Variants in ALK observed in about 807,000 individuals in gnomAD.
The protein encoded by ALK is ALK tyrosine kinase receptor.
Under a neutral mutation model 163.1 loss-of-function variants are expected in ALK, and 74 were observed. The observed-to-expected ratio is 0.45, with a 90% confidence interval of 0.38 to 0.55. The LOEUF (loss-of-function observed/expected upper bound fraction) is 0.55, where lower values mean the gene tolerates loss of function less well. ALK is among the 20% of genes least tolerant of loss of function. ALK has a pLI of 0.00. For missense variants in ALK, 2,063 were observed against 2,105.3 expected, an observed-to-expected ratio of 0.98 and a Z score of 0.39; for synonymous variants, 960 against 843.2, an observed-to-expected ratio of 1.14 and a Z score of -2.40.
At chr2:29,760,194 C>T (rs1175320218) in intron 1 of ALK, among the ~76,000 whole-genome samples, 1 of 152,068 alleles carries the variant, frequency 6.6e-6, no homozygotes, top group Non-Finnish European at 1.5e-5. Flanking sequence ...TACACACCTA[C>T]ACACCCCTAC....
intron 1 of ALK, among the ~76,000 whole-genome samples, chr2:29,820,357 C>T (rs543490539): frequency 6.6e-6 from 1 of 152,282 alleles, no homozygotes; most frequent in East Asian, 1.9e-4. Flanking sequence ...TGACTGCAGC[C>T]TTGACCAACA....
chr2:29,524,620 A>G (rs1672904563), intron 4 of ALK, among the ~76,000 whole-genome samples: 1 of 152,266 alleles, frequency 6.6e-6, no homozygotes, highest in Non-Finnish European at 1.5e-5. Context: ...CATGCACTGT[A>G]CAGATATTTA....
chr2:29,227,495 G>T lies in ALK; in HGVS notation c.2914+79C>A. ...ATTGTGCCTCTGTATCCTGGATACA[G>T]GTCAGAGACTCTGAGGTTTTAGCTT... On this transcript the variant is annotated intron_variant, in intron 17 of 28. Transcript: ENST00000389048. This position sits in a 1 kb window ranked among gnomAD's most constrained non-coding sequence, Gnocchi z 4.4. The T allele has an allele frequency of 8.1e-7, 1 of 1,238,038 alleles. No homozygotes were observed. The highest frequency in any genetic ancestry group is 1.2e-6 in the Non-Finnish European group (1 of 836,840). The allele number at this position is 1,238,038 out of a possible 1,614,324, so 76.7% of individuals were successfully genotyped here. A position where few individuals can be genotyped will look rare whatever the true frequency, so the allele number is the denominator to read the frequency against.
chr2:29,821,291 G>A (rs181498208), intron 1 of ALK, among the ~76,000 whole-genome samples: 2 of 152,146 alleles, frequency 1.3e-5, no homozygotes, highest in East Asian at 3.9e-4. Flanking sequence ...GAGTCACTAG[G>A]GGGAGACTGC....
At chr2:29,551,887 C>A (rs1673724490) in intron 3 of ALK, among the ~76,000 whole-genome samples, 1 of 152,124 alleles carries the variant, frequency 6.6e-6, no homozygotes, top group Admixed American at 6.5e-5. Context: ...CCATTTTAAC[C>A]ATTTTTCAGT....
intron 2 of ALK, among the ~76,000 whole-genome samples, chr2:29,699,592 T>C (rs932227994): frequency 6.6e-6 from 1 of 152,230 alleles, no homozygotes; most frequent in Non-Finnish European, 1.5e-5. Context: ...AAACTTTTCA[T>C]ATCTGAAAAG....
intron 1 of ALK, among the ~76,000 whole-genome samples, chr2:29,795,874 C>A (rs1287408585): frequency 6.6e-6 from 1 of 152,034 alleles, no homozygotes; most frequent in Non-Finnish European, 1.5e-5. Flanking sequence ...ATTAGCATGA[C>A]ATTTTTATAA....
At position 29,204,057 on chromosome 2, in the gene ALK, T is replaced by C. The variant is rs372829023; in HGVS notation, c.3938+3114A>G. 2.7e-4 allele frequency among the ~76,000 whole-genome samples: 41 copies of C among 152,282 alleles called. No homozygotes were observed. In the East Asian group the frequency reaches 7.9e-3, roughly 29 times the overall value. On this transcript the variant is annotated intron_variant, in intron 26 of 28. Transcript: ENST00000389048. ...CTGGAAGGTTTATTTAGCTTCACAC[T>C]CCATCCTTTTCATTGCATTTCTGTC...
At chr2:29,288,655 A>C (rs1471886582) in intron 9 of ALK, among the ~76,000 whole-genome samples, 2 of 152,190 alleles carry the variant, frequency 1.3e-5, no homozygotes, top group Non-Finnish European at 2.9e-5. Context: ...TTTGAGCTAG[A>C]AAACTGTGCC....
chr2:29,568,141 A>T (rs1674247085), intron 3 of ALK, among the ~76,000 whole-genome samples: 1 of 152,236 alleles, frequency 6.6e-6, no homozygotes, highest in South Asian at 2.1e-4. Flanking sequence ...TGTCACTGGG[A>T]GCAGCAGGGC....
intron 4 of ALK, among the ~76,000 whole-genome samples, chr2:29,446,575 T>G (rs1042983782): frequency 1.5e-4 from 23 of 152,192 alleles, no homozygotes; most frequent in African/African-American, 5.5e-4. Flanking sequence ...TGTCGGAGCT[T>G]CTTAAAAACT....
intron 6 of ALK, 71 bp downstream of exon 6, chr2:29,328,279 G>C (rs1392884393): frequency 1.2e-6 from 2 of 1,609,472 alleles, no homozygotes; most frequent in Non-Finnish European, 8.5e-7. Context: ...CTCATGCCTG[G>C]GATAATGGGG....
chr2:29,894,547 GA>G (rs955197193), intron 1 of ALK, among the ~76,000 whole-genome samples: 1 of 151,966 alleles, frequency 6.6e-6, no homozygotes. Context: ...GGGGAGCAGG[GA>G]AAAAAACTAT....
chr2:29,405,554 G>A (rs560503691), intron 4 of ALK, among the ~76,000 whole-genome samples: 1 of 152,268 alleles, frequency 6.6e-6, no homozygotes, highest in East Asian at 1.9e-4. Flanking sequence ...GAAATGCCAG[G>A]TATCAAGGTG....
chr2:29,799,506 A>AAAAC (rs143069404), intron 1 of ALK, among the ~76,000 whole-genome samples: 10,390 of 151,400 alleles, frequency 0.069, 476 homozygotes, highest in African/African-American at 0.13. Context: ...GTCTCAAAAC[A>AAAAC]AAACAAACAA....
At chr2:29,294,624 A>G (rs1427646482) in intron 9 of ALK, among the ~76,000 whole-genome samples, 1 of 152,266 alleles carries the variant, frequency 6.6e-6, no homozygotes, top group African/African-American at 2.4e-5. Context: ...GAGGCCAAAT[A>G]ACTGAAAGAT....
intron 3 of ALK, among the ~76,000 whole-genome samples, chr2:29,592,763 T>C (rs1416584870): frequency 1.3e-5 from 2 of 152,164 alleles, no homozygotes; most frequent in African/African-American, 4.8e-5. Flanking sequence ...TTACATGGAC[T>C]GTAAATCCAA....
At chr2:29,439,137 C>T (rs1670474500) in intron 4 of ALK, among the ~76,000 whole-genome samples, 1 of 152,184 alleles carries the variant, frequency 6.6e-6, no homozygotes, top group Non-Finnish European at 1.5e-5. Context: ...ATCTGACCAC[C>T]TATCAAGCTT....
intron 4 of ALK, among the ~76,000 whole-genome samples, chr2:29,466,405 C>T (rs2148107416): frequency 6.6e-6 from 1 of 152,270 alleles, no homozygotes; most frequent in South Asian, 2.1e-4. Context: ...ATCTGGAGAA[C>T]ACATTTCAAA....
Sources: allele counts gnomAD v4.1 joint callset (sites outside exome capture counted in the v4.1 genomes callset), GRCh38; gene constraint gnomAD v4.1.1; non-coding constraint Gnocchi (gnomAD v3.1); transcripts MANE v1.5; gene names NCBI Gene and HGNC (gene_info 2026-07-23, HGNC 2026-07-21).